RORB: variants seen among roughly 807,000 people sequenced by gnomAD.
The protein encoded by RORB is nuclear receptor ROR-beta.
A neutral mutation model predicts 59.1 loss-of-function variants in RORB; 6 were observed. The ratio of observed to expected loss-of-function variants is 0.10; its 90% CI spans 0.06 to 0.20. The LOEUF (loss-of-function observed/expected upper bound fraction) is 0.20, where lower values mean the gene tolerates loss of function less well. RORB is among the 10% of genes least tolerant of loss of function. The probability of loss-of-function intolerance (pLI) is 1.00; values close to 1 mark genes in which losing one functional copy is unlikely to be tolerated. For synonymous variants in RORB, 215 were observed against 204.5 expected, an observed-to-expected ratio of 1.05 and a Z score of -0.44; for missense variants, 320 against 560.5, an observed-to-expected ratio of 0.57 and a Z score of 4.33.
At chr9:74,653,739 T>C (rs552950614) in intron 4 of RORB, among the ~76,000 whole-genome samples, 1 of 152,238 alleles carries the variant, frequency 6.6e-6, no homozygotes, top group African/African-American at 2.4e-5. Flanking sequence ...GGCATTCTAA[T>C]GAAACTACCC....
chr9:74,505,398 C>T (rs905539482), intron 1 of RORB, among the ~76,000 whole-genome samples: 2 of 151,934 alleles, frequency 1.3e-5, no homozygotes, highest in African/African-American at 4.8e-5. Flanking sequence ...AAAGAATAAG[C>T]TCAAAGATGA....
chr9:74,691,988 T>C lies in RORB; in HGVS notation c.*6370T>C, dbSNP rs1204214979. On this transcript the variant is annotated 3_prime_UTR_variant, in exon 10 of 10. Transcript: ENST00000376896. Reference sequence around the variant, plus strand: ...AAAGTTGCCTGAGTTAAGTCATCTTTCCTTGTAGCAAATGGCTTTGTCCAA... The same window carrying C: ...AAAGTTGCCTGAGTTAAGTCATCTTCCCTTGTAGCAAATGGCTTTGTCCAA... The C allele has an allele frequency of 6.6e-6, 1 of 152,220 alleles. No homozygotes were observed. Among genetic ancestry groups the C allele is most frequent in the Non-Finnish European group, 1.5e-5 (1 of 68,034 alleles). 9.4% of individuals were successfully genotyped at this position (152,220 alleles called of 1,614,324 possible). A position where few individuals can be genotyped will look rare whatever the true frequency, so the allele number is the denominator to read the frequency against.
At chr9:74,519,761 A>T (rs910632480) in intron 1 of RORB, among the ~76,000 whole-genome samples, 1 of 151,906 alleles carries the variant, frequency 6.6e-6, no homozygotes, top group Admixed American at 6.6e-5. Context: ...TGGAAAAATA[A>T]ATTTTCCTTT....
At chr9:74,628,693 A>G (rs1018493240) in intron 1 of RORB, among the ~76,000 whole-genome samples, 28 of 152,262 alleles carry the variant, frequency 1.8e-4, no homozygotes, top group Non-Finnish European at 2.8e-4. Context: ...GAGAAACTGT[A>G]GAAAAGCATC....
intron 4 of RORB, among the ~76,000 whole-genome samples, chr9:74,650,216 A>G (rs1823969033): frequency 6.6e-6 from 1 of 152,208 alleles, no homozygotes; most frequent in Non-Finnish European, 1.5e-5. Flanking sequence ...TCCACATTAA[A>G]TAGTATTTCA....
At chr9:74,660,534 G>A in intron 4 of RORB, 83 bp from the exon 5 acceptor site, 2 of 1,279,258 alleles carry the variant, frequency 1.6e-6, no homozygotes, top group Non-Finnish European at 1.1e-6. Flanking sequence ...TCTCCAAAAG[G>A]CATTCTTATA....
At chr9:74,631,443 G>A (rs1159398961) in intron 2 of RORB, among the ~76,000 whole-genome samples, 6 of 112,800 alleles carry the variant, frequency 5.3e-5, no homozygotes, top group Non-Finnish European at 1.1e-4. Flanking sequence ...TGAAGGAAGT[G>A]TAGTACAGTC....
chr9:74,622,997 C>A (rs142948032), intron 1 of RORB, among the ~76,000 whole-genome samples: 2 of 152,104 alleles, frequency 1.3e-5, no homozygotes, highest in Non-Finnish European at 2.9e-5. Context: ...CATTGAACTC[C>A]GTGTTAACTA....
intron 8 of RORB, among the ~76,000 whole-genome samples, chr9:74,669,991 G>A (rs2118539917): frequency 6.6e-6 from 1 of 151,782 alleles, no homozygotes; most frequent in Middle Eastern, 3.4e-3. Flanking sequence ...TATCAAAAAT[G>A]GAAATTAGTT....
chr9:74,643,401 A>G (rs924314549), intron 4 of RORB, among the ~76,000 whole-genome samples: 2 of 152,184 alleles, frequency 1.3e-5, no homozygotes, highest in Non-Finnish European at 2.9e-5. Context: ...CTTATAGAAC[A>G]TGAGAGCAAC....
At chr9:74,651,990 A>C (rs1455658169) in intron 4 of RORB, among the ~76,000 whole-genome samples, 1 of 152,232 alleles carries the variant, frequency 6.6e-6, no homozygotes, top group East Asian at 1.9e-4. Context: ...TTAAATAAAG[A>C]AAGCACCCTC....
intron 1 of RORB, among the ~76,000 whole-genome samples, chr9:74,542,447 C>T (rs1826423592): frequency 6.6e-6 from 1 of 152,044 alleles, no homozygotes; most frequent in Non-Finnish European, 1.5e-5. Flanking sequence ...TGAAGAGAGA[C>T]TTAGTGAAGA....
intron 9 of RORB, among the ~76,000 whole-genome samples, chr9:74,684,281 G>T (rs1461736622): frequency 6.6e-6 from 1 of 152,170 alleles, no homozygotes; most frequent in East Asian, 1.9e-4. Flanking sequence ...TTATTTCAAA[G>T]GCTGAAATGG....
chr9:74,618,154 C>T (rs979898738), intron 1 of RORB, among the ~76,000 whole-genome samples: 16 of 152,052 alleles, frequency 1.1e-4, no homozygotes, highest in African/African-American at 3.4e-4. Flanking sequence ...CGCACACACA[C>T]GCGCATGCTA....
chr9:74,595,806 G>T (rs549639914), intron 1 of RORB, among the ~76,000 whole-genome samples: 2 of 152,296 alleles, frequency 1.3e-5, no homozygotes, highest in Admixed American at 1.3e-4. Flanking sequence ...GGATCAGGTT[G>T]AGGAGCTGGA....
At position 74,648,213 on chromosome 9, in the gene RORB, G is replaced by C. The variant is rs192808953; in HGVS notation, c.637+5398G>C. On this transcript the variant is annotated intron_variant, in intron 4 of 9. Transcript: ENST00000376896. ...CTTGCCTTGAGAGGAGACATCTTGT[G>C]AACTTTCATTGTCATCTAACCCCTC... is the stretch of plus-strand genomic sequence containing the variant. Among the ~76,000 whole-genome samples, 124 of 152,252 alleles carry C rather than the reference G, an allele frequency of 8.1e-4. 5 individuals carry two copies. The highest frequency in any genetic ancestry group is 2.8e-3 in the African/African-American group (117 of 41,544).
intron 1 of RORB, among the ~76,000 whole-genome samples, chr9:74,546,516 C>T (rs947995973): frequency 6.6e-6 from 1 of 152,050 alleles, no homozygotes; most frequent in Non-Finnish European, 1.5e-5. Flanking sequence ...TAATCAATGG[C>T]ATCATAAACT....
At chr9:74,662,718 C>T in intron 6 of RORB, 112 bp downstream of exon 6, 1 of 1,125,280 alleles carries the variant, frequency 8.9e-7, no homozygotes, top group Non-Finnish European at 1.3e-6. Flanking sequence ...TTTCTACCAC[C>T]CACATTGTCA....
At chr9:74,626,709 A>G (rs2118404169) in intron 1 of RORB, among the ~76,000 whole-genome samples, 1 of 152,344 alleles carries the variant, frequency 6.6e-6, no homozygotes, top group East Asian at 1.9e-4. Flanking sequence ...ACCGTAGTCA[A>G]CAGCATGTCA....
Sources: gnomAD v4.1 joint callset for allele counts (sites outside exome capture counted in the v4.1 genomes callset) on GRCh38, gnomAD v4.1.1 for gene constraint, MANE v1.5 for transcripts, NCBI Gene and HGNC (gene_info 2026-07-23, HGNC 2026-07-21) for gene names.